Variants in LRP1B observed in about 807,000 individuals in gnomAD.
LRP1B encodes low-density lipoprotein receptor-related protein 1B.
In LRP1B, 217 loss-of-function variants were observed where a neutral mutation model predicts 556.6. The ratio of observed to expected loss-of-function variants is 0.39; its 90% CI spans 0.35 to 0.44. The LOEUF is 0.44. Among genes scored for constraint, LRP1B ranks in the 20% least tolerant of loss-of-function variants. The probability of loss-of-function intolerance (pLI) is 1.00; values close to 1 mark genes in which losing one functional copy is unlikely to be tolerated. For missense variants in LRP1B, 5,053 were observed against 5,620.8 expected (o/e 0.90, Z 3.23); for synonymous variants, 2,047 against 1,865.8 (o/e 1.10, Z -2.50).
At chr2:140,285,248 T>C (rs913898969) in intron 84 of LRP1B, among the ~76,000 whole-genome samples, 2 of 150,920 alleles carry the variant, frequency 1.3e-5, no homozygotes, top group African/African-American at 4.8e-5. Context: ...TCTACACATA[T>C]ATATACATAG....
intron 35 of LRP1B, among the ~76,000 whole-genome samples, chr2:140,727,940 C>G (rs1410188537): frequency 6.6e-6 from 1 of 152,136 alleles, no homozygotes; most frequent in Non-Finnish European, 1.5e-5. Flanking sequence ...AATTTTCTTA[C>G]AGTAACAAAC....
intron 3 of LRP1B, among the ~76,000 whole-genome samples, chr2:141,433,534 T>C (rs978352139): frequency 6.6e-6 from 1 of 152,124 alleles, no homozygotes; most frequent in African/African-American, 2.4e-5. Flanking sequence ...GTCCCTTTTG[T>C]CAGTTTTTGC....
At chr2:141,862,521 A>G (rs973866281) in intron 1 of LRP1B, among the ~76,000 whole-genome samples, 1 of 152,060 alleles carries the variant, frequency 6.6e-6, no homozygotes, top group African/African-American at 2.4e-5. Context: ...CAATTATCCT[A>G]CCTCAGCCTC....
At chr2:140,370,889 T>C (rs1478719068) in intron 70 of LRP1B, 47 bp from the exon 71 acceptor site, 1 of 1,594,358 alleles carries the variant, frequency 6.3e-7, no homozygotes, top group Non-Finnish European at 8.6e-7. Flanking sequence ...ATGATAATGA[T>C]ACAATCATGG....
intron 3 of LRP1B, among the ~76,000 whole-genome samples, chr2:141,450,865 G>A (rs1474396226): frequency 6.6e-6 from 1 of 152,004 alleles, no homozygotes; most frequent in Non-Finnish European, 1.5e-5. Context: ...AGAATTATTT[G>A]AGCAGTGACA....
chr2:141,206,353 G>A (rs1021679965), intron 6 of LRP1B, among the ~76,000 whole-genome samples: 12 of 152,008 alleles, frequency 7.9e-5, no homozygotes, highest in African/African-American at 2.4e-4. Flanking sequence ...AGGCCGAGGC[G>A]GGCAGATCAT....
At chr2:140,682,405 T>C (rs190808663) in intron 41 of LRP1B, among the ~76,000 whole-genome samples, 22 of 152,278 alleles carry the variant, frequency 1.4e-4, no homozygotes, top group Admixed American at 4.6e-4. Flanking sequence ...TGAATATGCA[T>C]TGATTACTTA....
chr2:140,312,587 A>C (rs2105031259), intron 83 of LRP1B, among the ~76,000 whole-genome samples: 1 of 151,988 alleles, frequency 6.6e-6, no homozygotes, highest in South Asian at 2.1e-4. Flanking sequence ...TTCAATAACA[A>C]ATGCTTAATA....
intron 2 of LRP1B, among the ~76,000 whole-genome samples, chr2:141,637,828 T>A (rs533697205): frequency 2.5e-4 from 38 of 152,160 alleles, no homozygotes; most frequent in Non-Finnish European, 5.0e-4. Flanking sequence ...GAGATATGAA[T>A]CATGGGGGCA....
At chr2:141,640,856 T>A (rs1689303779) in intron 2 of LRP1B, among the ~76,000 whole-genome samples, 1 of 152,156 alleles carries the variant, frequency 6.6e-6, no homozygotes, top group Admixed American at 6.6e-5. Flanking sequence ...CTATTGGTTC[T>A]TCCCCAATAA....
At chr2:140,587,754 T>G (rs1682043853) in intron 43 of LRP1B, among the ~76,000 whole-genome samples, 2 of 152,064 alleles carry the variant, frequency 1.3e-5, no homozygotes, top group Non-Finnish European at 2.9e-5. Context: ...CACCTTGTAC[T>G]CCTGAGATAT....
At chr2:141,635,775 G>A (rs1689091070) in intron 2 of LRP1B, among the ~76,000 whole-genome samples, 1 of 152,190 alleles carries the variant, frequency 6.6e-6, no homozygotes, top group Admixed American at 6.6e-5. Context: ...AAATAAGTTA[G>A]TGAAGATAAA....
chr2:141,890,205 TC>T (rs1434295308), intron 1 of LRP1B, among the ~76,000 whole-genome samples: 1 of 151,646 alleles, frequency 6.6e-6, no homozygotes, highest in Non-Finnish European at 1.5e-5. Flanking sequence ...AATTGCTTTT[TC>T]CTGAAAACAT....
chr2:140,357,916 C>T (rs2105134217), intron 74 of LRP1B, 63 bp downstream of exon 74: 1 of 1,553,484 alleles, frequency 6.4e-7, no homozygotes, highest in Non-Finnish European at 8.8e-7. Context: ...ACATTTTAGT[C>T]ATGTACAAGC....
intron 5 of LRP1B, among the ~76,000 whole-genome samples, chr2:141,235,711 A>G (rs914274279): frequency 1.3e-5 from 2 of 152,182 alleles, no homozygotes; most frequent in African/African-American, 4.8e-5. Flanking sequence ...TTTTCCGAGC[A>G]TATTTTAGGA....
chr2:142,037,617 G>A (rs1482432032), intron 1 of LRP1B, among the ~76,000 whole-genome samples: 2 of 151,508 alleles, frequency 1.3e-5, no homozygotes, highest in Non-Finnish European at 3.0e-5. Flanking sequence ...TCTGGTTCAG[G>A]GGAAATGTAC....
chr2:141,919,907 G>C (rs1009363352), intron 1 of LRP1B, among the ~76,000 whole-genome samples: 7 of 152,016 alleles, frequency 4.6e-5, no homozygotes, highest in Non-Finnish European at 1.0e-4. Context: ...AAGTTCAATA[G>C]AGAAATGTCA....
rs532360022 is a variant in LRP1B, at chr2:141,979,923, T to G, written c.82+150725A>C. ...TAATTTTGACATGATTTTCCAGTTC[T>G]TGTAATTGGTTTTTACTCTGTCATG... On this transcript the variant is annotated intron_variant, in intron 1 of 90. Transcript: ENST00000389484. Among the ~76,000 whole-genome samples, 217 of 152,252 alleles carry G rather than the reference T, an allele frequency of 1.4e-3. 1 individual carries two copies. The highest frequency in any genetic ancestry group is 2.7e-3 in the Non-Finnish European group (186 of 67,998).
intron 43 of LRP1B, among the ~76,000 whole-genome samples, chr2:140,543,980 A>G (rs1680230821): frequency 6.6e-6 from 1 of 152,078 alleles, no homozygotes; most frequent in South Asian, 2.1e-4. Context: ...GAATCTGAAA[A>G]CTATAAAACA....
Sources: allele counts gnomAD v4.1 joint callset (sites outside exome capture counted in the v4.1 genomes callset), GRCh38; gene constraint gnomAD v4.1.1; transcripts MANE v1.5; gene names NCBI Gene and HGNC (gene_info 2026-07-23, HGNC 2026-07-21).